The following TMEM200A variants were observed in gnomAD, a reference collection of about 807,000 sequenced individuals.
TMEM200A encodes two transmembrane C.
A neutral mutation model predicts 24.3 loss-of-function variants in TMEM200A; 12 were observed. The ratio of observed to expected loss-of-function variants is 0.49; its 90% confidence interval spans 0.32 to 0.80. The LOEUF is 0.80. Ranked by LOEUF, TMEM200A falls within the 30% of genes least tolerant of loss-of-function variation. The pLI is 0.04. For missense variants in TMEM200A, 545 were observed against 614.4 expected (o/e 0.89, Z 1.19); for synonymous variants, 224 against 224.4 (o/e 1.00, Z 0.02).
At chr6:130,392,353 A>T (rs975101557) in intron 2 of TMEM200A, among the ~76,000 whole-genome samples, 1 of 152,056 alleles carries the variant, frequency 6.6e-6, no homozygotes, top group African/African-American at 2.4e-5. Flanking sequence ...TGCCCTCACT[A>T]TTTCCCTGTT....
intron 2 of TMEM200A, among the ~76,000 whole-genome samples, chr6:130,436,630 CCTTTTTTTTTTTTT>C (rs1382996795): frequency 0.012 from 818 of 66,766 alleles, 49 homozygotes; most frequent in African/African-American, 0.026. Flanking sequence ...TTTTCTTTAT[CCTTTTTTTTTTTTT>C]TTTTTTTTTT....
chr6:130,416,480 T>C (rs1779457327), intron 2 of TMEM200A, among the ~76,000 whole-genome samples: 1 of 152,236 alleles, frequency 6.6e-6, no homozygotes, highest in South Asian at 2.1e-4. Context: ...GGTGCCATCA[T>C]CCATCCAATT....
At chr6:130,412,598 C>G (rs1779358088) in intron 2 of TMEM200A, among the ~76,000 whole-genome samples, 1 of 152,164 alleles carries the variant, frequency 6.6e-6, no homozygotes, top group South Asian at 2.1e-4. Context: ...TTGAATACCC[C>G]ACTAGGGCTA....
chr6:130,416,583 GCTGTCTGTT>G (rs1254956751), intron 2 of TMEM200A, among the ~76,000 whole-genome samples: 1 of 152,036 alleles, frequency 6.6e-6, no homozygotes, highest in Non-Finnish European at 1.5e-5. Context: ...CTTCTAAATA[GCTGTCTGTT>G]CTGTCTACTC....
chr6:130,426,469 C>T (rs535460800), intron 2 of TMEM200A, among the ~76,000 whole-genome samples: 4 of 150,742 alleles, frequency 2.7e-5, no homozygotes, highest in Non-Finnish European at 5.9e-5. Context: ...AGCCCCCCCC[C>T]CCTCAGTTTC....
intron 2 of TMEM200A, among the ~76,000 whole-genome samples, chr6:130,391,432 G>A (rs981311719): frequency 1.3e-5 from 2 of 152,086 alleles, no homozygotes; most frequent in African/African-American, 2.4e-5. Context: ...TCAAAGAAGA[G>A]GGAAATCTGG....
chr6:130,377,337 T>C (rs769919833), intron 1 of TMEM200A, among the ~76,000 whole-genome samples: 55 of 152,232 alleles, frequency 3.6e-4, no homozygotes, highest in Non-Finnish European at 6.6e-4. Flanking sequence ...AGGCAGCACA[T>C]GCCATCCATC....
chr6:130,374,539 C>T (rs1026846756), intron 1 of TMEM200A, among the ~76,000 whole-genome samples: 1 of 151,978 alleles, frequency 6.6e-6, no homozygotes, highest in Admixed American at 6.6e-5. Flanking sequence ...CCTCAACCTC[C>T]CGAGTAGCTG....
At chr6:130,382,234 T>C (rs1161628480) in intron 1 of TMEM200A, among the ~76,000 whole-genome samples, 1 of 152,180 alleles carries the variant, frequency 6.6e-6, no homozygotes, top group Non-Finnish European at 1.5e-5. Context: ...TGAAAGGCCA[T>C]GTAAGTGAAG....
rs1297299473 is a variant in TMEM200A at position 130,442,245 on chromosome 6, G to T, written c.*347G>T. The T allele has an allele frequency of 4.5e-5, 9 of 198,188 alleles. No individual in the cohort carries two copies. The highest frequency in any genetic ancestry group is 6.8e-5 in the Non-Finnish European group (6 of 87,638). 12.3% of individuals were successfully genotyped at this position (198,188 alleles called of 1,614,324 possible). A position where few individuals can be genotyped will look rare whatever the true frequency, so the allele number is the denominator to read the frequency against. On this transcript the variant is annotated 3_prime_UTR_variant, in exon 3 of 3. Transcript: ENST00000296978. The stretch of plus-strand genomic sequence containing the variant: ...TGAAATGTCCAGTATGGAAAACATA[G>T]GGTACCAAAGTGTGGACCAGGAGTA...
At chr6:130,428,200 A>G (rs533403380) in intron 2 of TMEM200A, among the ~76,000 whole-genome samples, 48 of 152,256 alleles carry the variant, frequency 3.2e-4, no homozygotes, top group African/African-American at 1.1e-3. Context: ...TAATTCAGCA[A>G]TCTCAAAAAT....
At chr6:130,430,796 T>C (rs1265723769) in intron 2 of TMEM200A, among the ~76,000 whole-genome samples, 2 of 152,196 alleles carry the variant, frequency 1.3e-5, no homozygotes, top group African/African-American at 4.8e-5. Context: ...ATTTTACTTA[T>C]GAAAAATATG....
At chr6:130,389,105 T>A (rs948856665) in intron 2 of TMEM200A, among the ~76,000 whole-genome samples, 6 of 152,118 alleles carry the variant, frequency 3.9e-5, no homozygotes, top group Non-Finnish European at 7.4e-5. Flanking sequence ...TAAAATACAG[T>A]TTTAGATTCG....
chr6:130,418,055 T>A (rs574448002), intron 2 of TMEM200A, among the ~76,000 whole-genome samples: 1 of 152,292 alleles, frequency 6.6e-6, no homozygotes, highest in Admixed American at 6.5e-5. Flanking sequence ...TCCTCCAGAC[T>A]CCTGCAGACC....
intron 1 of TMEM200A, among the ~76,000 whole-genome samples, chr6:130,375,933 A>T (rs1778446457): frequency 6.6e-6 from 1 of 152,156 alleles, no homozygotes; most frequent in Non-Finnish European, 1.5e-5. Context: ...ATATGGCTGA[A>T]GACATTTCAT....
At chr6:130,375,559 G>A (rs60319355) in intron 1 of TMEM200A, among the ~76,000 whole-genome samples, 2,604 of 152,298 alleles carry the variant, frequency 0.017, 68 homozygotes, top group African/African-American at 0.056. Flanking sequence ...TTCAAAAAGT[G>A]CTGTAAGGGA....
At position 130,404,137 on chromosome 6, in the gene TMEM200A, T is replaced by C. The variant is rs140193141; in HGVS notation, c.-17+18901T>C. Among the ~76,000 whole-genome samples, 842 of 152,282 alleles carry C rather than the reference T, an allele frequency of 5.5e-3. 2 individuals are homozygous for C. Among genetic ancestry groups the C allele is most frequent in the Middle Eastern group, 0.014 (4 of 294 alleles). On this transcript the variant is annotated intron_variant, in intron 2 of 2. Transcript: ENST00000296978. ...GTGAATACTGCTGCAATGAACATAA[T>C]ACATGTGCAAGTGTCTTTATAATAG...
At chr6:130,421,538 A>G (rs1278094494) in intron 2 of TMEM200A, among the ~76,000 whole-genome samples, 2 of 98,440 alleles carry the variant, frequency 2.0e-5, no homozygotes, top group African/African-American at 5.1e-5. Flanking sequence ...GTGTGTGTGC[A>G]TGCGTACATG....
At chr6:130,385,381 C>T (rs1778688739) in intron 2 of TMEM200A, 145 bp downstream of exon 2, 1 of 152,136 alleles carries the variant, frequency 6.6e-6, no homozygotes, top group Non-Finnish European at 1.5e-5. Flanking sequence ...GCAATTATTT[C>T]CTTAGCTTGG....
Sources: gnomAD v4.1 joint callset for allele counts (sites outside exome capture counted in the v4.1 genomes callset) on GRCh38, gnomAD v4.1.1 for gene constraint, MANE v1.5 for transcripts, NCBI Gene and HGNC (gene_info 2026-07-23, HGNC 2026-07-21) for gene names.